The following R3HDM2 variants were observed in gnomAD, a reference collection of about 807,000 sequenced individuals.
R3HDM2 encodes R3H domain-containing protein 2.
R3HDM2 carries 38 observed loss-of-function variants against 124.5 expected under a neutral mutation model. That is an observed-to-expected ratio of 0.31 (90% CI 0.24 to 0.40). The LOEUF (loss-of-function observed/expected upper bound fraction) is 0.40, where lower values mean the gene tolerates loss of function less well. Among genes scored for constraint, R3HDM2 ranks in the 10% least tolerant of loss-of-function variants. The pLI is 1.00. For synonymous variants in R3HDM2, 391 were observed against 448.0 expected, an observed-to-expected ratio of 0.87 and a Z score of 1.61; for missense variants, 869 against 1,236.9, an observed-to-expected ratio of 0.70 and a Z score of 4.46.
intron 1 of R3HDM2, chr12:57,415,176 ATC>A (rs2069450623): frequency 6.6e-6 from 1 of 152,132 alleles, no homozygotes; most frequent in Non-Finnish European, 1.5e-5. Context: ...GAACTATCAA[ATC>A]TATAGTTATC....
intron 14 of R3HDM2, among the ~76,000 whole-genome samples, chr12:57,274,011 T>C (rs2044152855): frequency 6.6e-6 from 1 of 152,180 alleles, no homozygotes. Context: ...GCACACCTAT[T>C]TTCTGTCAGA....
chr12:57,258,258 AG>A (rs1462008100), intron 20 of R3HDM2, 121 bp from the exon 21 acceptor site: 2 of 913,202 alleles, frequency 2.2e-6, no homozygotes, highest in African/African-American at 3.4e-5. Context: ...ACTCTGCCAA[AG>A]TCAGACTCTT....
At chr12:57,270,308 C>T (rs2043298351) in intron 14 of R3HDM2, among the ~76,000 whole-genome samples, 1 of 152,118 alleles carries the variant, frequency 6.6e-6, no homozygotes, top group Non-Finnish European at 1.5e-5. Context: ...CTGCAACCTC[C>T]GCCTCCCAGG....
chr12:57,258,310 T>TTTTTTTTA (rs769575782), intron 20 of R3HDM2, among the ~76,000 whole-genome samples, 173 bp from the exon 21 acceptor site: 3 of 145,016 alleles, frequency 2.1e-5, no homozygotes, highest in South Asian at 4.6e-4. Flanking sequence ...ATTTATGCTA[T>TTTTTTTTA]TTTATTTATT....
At chr12:57,260,673 T>C (rs975354417) in intron 19 of R3HDM2, among the ~76,000 whole-genome samples, 6 of 152,028 alleles carry the variant, frequency 3.9e-5, no homozygotes, top group Admixed American at 3.3e-4. Flanking sequence ...TGGGTGGTGG[T>C]GGAGAAATGG....
chr12:57,255,118 A>C lies in R3HDM2; in HGVS notation c.2633-5T>G. 1 of 1,573,804 alleles carries C rather than the reference A, an allele frequency of 6.4e-7. No individual in the cohort carries two copies. Among genetic ancestry groups the C allele is most frequent in the Non-Finnish European group, 8.6e-7 (1 of 1,158,916 alleles). On this transcript the variant is annotated splice_polypyrimidine_tract_variant and splice_region_variant and intron_variant, in intron 23 of 23. Transcript: ENST00000402412. ...CCTCCAGCACCCGCCCCAGGACTGG[A>C]AGGGGAGGAGAGAGGACATGGTTGT...
intron 19 of R3HDM2, among the ~76,000 whole-genome samples, chr12:57,261,194 C>T (rs1258005390): frequency 6.6e-6 from 1 of 152,190 alleles, no homozygotes; most frequent in Admixed American, 6.5e-5. Flanking sequence ...ACATCCTCTA[C>T]CAACAAAATT....
chr12:57,269,410 A>T lies in R3HDM2; in HGVS notation c.1627T>A (p.Ser543Thr), dbSNP rs2043124533. ...SYYPPGQYPN[S>T]NQQYRPLSHP... The stretch of plus-strand genomic sequence containing the variant: ...GAGAGAGGTCGATATTGCTGGTTGG[A>T]GTTAGGATATTGTCCAGGGGGATAG... Residue 543 changes from serine (S) to threonine (T), a missense_variant, in exon 16 of 24, where the codon TCC becomes ACC. By Grantham distance (58) the Ser-to-Thr change is moderately conservative. This residue lies in a region of R3HDM2 where 602 missense variants were observed against 789.2 expected (regional missense o/e 0.76). Transcript: ENST00000402412. The T allele has an allele frequency of 6.2e-7, 1 of 1,614,092 alleles. No individual in the cohort carries two copies. The highest frequency in any genetic ancestry group is 1.3e-5 in the African/African-American group (1 of 75,022).
intron 2 of R3HDM2, among the ~76,000 whole-genome samples, chr12:57,346,738 A>T (rs181168348): frequency 6.6e-6 from 1 of 152,226 alleles, no homozygotes; most frequent in African/African-American, 2.4e-5. Context: ...TAAATGGTAA[A>T]TATTTGATTA....
intron 2 of R3HDM2, among the ~76,000 whole-genome samples, chr12:57,373,217 C>A (rs1217112517): frequency 6.6e-6 from 1 of 152,154 alleles, no homozygotes; most frequent in African/African-American, 2.4e-5. Context: ...ACAGTAATAA[C>A]AAGCCGGGCG....
intron 2 of R3HDM2, among the ~76,000 whole-genome samples, chr12:57,387,890 A>T (rs2066077516): frequency 6.6e-6 from 1 of 152,194 alleles, no homozygotes; most frequent in Admixed American, 6.5e-5. Context: ...GAGGGAGAAA[A>T]CACAATGAAA....
At chr12:57,419,706 C>A (rs991343612) in intron 1 of R3HDM2, among the ~76,000 whole-genome samples, 2 of 152,018 alleles carry the variant, frequency 1.3e-5, no homozygotes, top group Non-Finnish European at 2.9e-5. Context: ...CCTCCCAAGG[C>A]ACTAGGATTA....
intron 1 of R3HDM2, among the ~76,000 whole-genome samples, chr12:57,427,361 T>G (rs1171378620): frequency 1.3e-5 from 2 of 149,110 alleles, no homozygotes; most frequent in Non-Finnish European, 3.0e-5. Context: ...GAAGCTTTTT[T>G]TTTTTTGAGA....
rs139876607 is a variant in R3HDM2 at position 57,397,071 on chromosome 12, C to T, written c.-105-1253G>A. Among the ~76,000 whole-genome samples, 58 of 151,444 alleles carry T rather than the reference C, an allele frequency of 3.8e-4. No homozygotes were observed. The East Asian group carries it at 0.011, about 28-fold the overall frequency. On this transcript the variant is annotated intron_variant, in intron 1 of 23. Transcript: ENST00000402412. ...TCACACCATTGCACTCCAGCCTGGG[C>T]AGCAAGAGCAAAACTCCATCTCAAA...
At chr12:57,288,915 T>C (rs2048001509) in intron 12 of R3HDM2, 94 bp downstream of exon 12, 1 of 1,551,464 alleles carries the variant, frequency 6.4e-7, no homozygotes. Flanking sequence ...GAGAGTCTGT[T>C]GGTTAACATC....
intron 2 of R3HDM2, among the ~76,000 whole-genome samples, chr12:57,348,659 A>G (rs1047695634): frequency 7.2e-6 from 1 of 138,074 alleles, no homozygotes; most frequent in South Asian, 2.3e-4. Flanking sequence ...GTGCCACTAT[A>G]CTCTAGCCTG....
chr12:57,395,459 C>A (rs1011216755), intron 2 of R3HDM2, among the ~76,000 whole-genome samples: 1 of 151,812 alleles, frequency 6.6e-6, no homozygotes, highest in Non-Finnish European at 1.5e-5. Flanking sequence ...GTTGAGATGG[C>A]GCCACTGCAC....
intron 1 of R3HDM2, among the ~76,000 whole-genome samples, chr12:57,426,371 G>A (rs1422398304): frequency 6.6e-6 from 1 of 152,102 alleles, no homozygotes; most frequent in Non-Finnish European, 1.5e-5. Flanking sequence ...TGTGAAAAAA[G>A]GATCAAGTGT....
At chr12:57,328,817 A>T (rs962502138) in intron 2 of R3HDM2, among the ~76,000 whole-genome samples, 13 of 152,156 alleles carry the variant, frequency 8.5e-5, no homozygotes, top group Admixed American at 6.6e-4. Context: ...GCCTGGCCAG[A>T]TTATTCATTA....
Sources: allele counts gnomAD v4.1 joint callset (sites outside exome capture counted in the v4.1 genomes callset), GRCh38; gene constraint gnomAD v4.1.1; regional missense constraint gnomAD v4.1.1; transcripts MANE v1.5; gene names NCBI Gene and HGNC (gene_info 2026-07-23, HGNC 2026-07-21).